The following CPE variants were observed in gnomAD, a reference collection of about 807,000 sequenced individuals.
The protein encoded by CPE is carbocypeptidase E.
A neutral mutation model predicts 53.5 loss-of-function variants in CPE; 17 were observed. That is an observed-to-expected ratio of 0.32 (90% CI 0.22 to 0.48). CPE has a LOEUF of 0.48. Among genes scored for constraint, CPE ranks in the 20% least tolerant of loss-of-function variants. CPE has a pLI of 0.99. For missense variants in CPE, 524 were observed against 614.7 expected (o/e 0.85, Z 1.56); for synonymous variants, 226 against 228.8 (o/e 0.99, Z 0.11).
chr4:165,487,534 A>G lies in CPE; in HGVS notation c.1070A>G (p.Tyr357Cys). ...KFPPEETLKTYWEDNKNSLIS... is the reference protein window; with the variant it reads ...KFPPEETLKTCWEDNKNSLIS... Reference sequence around the variant, plus strand: ...CCACCTGAAGAGACTCTGAAGACCTACTGGGAGGATAACAAAAACTCCCTC... The same window carrying G: ...CCACCTGAAGAGACTCTGAAGACCTGCTGGGAGGATAACAAAAACTCCCTC... The change falls in exon 6 of 9, where the codon TAC becomes TGC. Residue 357 changes from tyrosine to cysteine, a missense_variant. Coordinates refer to ENST00000402744, the MANE Select transcript of CPE (RefSeq NM_001873.4). 1 of 1,614,080 alleles carries G rather than the reference A, an allele frequency of 6.2e-7. No homozygotes were observed. Among genetic ancestry groups the G allele is most frequent in the South Asian group, 1.1e-5 (1 of 91,080 alleles).
chr4:165,474,196 C>T (rs1732256489), intron 3 of CPE, among the ~76,000 whole-genome samples: 1 of 152,238 alleles, frequency 6.6e-6, no homozygotes, highest in African/African-American at 2.4e-5. Flanking sequence ...TTATCTCTAT[C>T]CTCCTTATTA....
At chr4:165,448,776 A>G (rs1731759215) in intron 1 of CPE, among the ~76,000 whole-genome samples, 1 of 152,116 alleles carries the variant, frequency 6.6e-6, no homozygotes, top group South Asian at 2.1e-4. Flanking sequence ...ATTATTGCAT[A>G]TTCATAAGCT....
chr4:165,459,945 A>G (rs1267230956), intron 1 of CPE, among the ~76,000 whole-genome samples: 1 of 150,060 alleles, frequency 6.7e-6, no homozygotes, highest in Non-Finnish European at 1.5e-5. Flanking sequence ...AAGGAAAATG[A>G]ATTAGTGAAG....
chr4:165,425,037 C>T (rs1003802486), intron 1 of CPE, among the ~76,000 whole-genome samples: 6 of 151,814 alleles, frequency 4.0e-5, no homozygotes, highest in African/African-American at 1.5e-4. Context: ...GCCACCATGC[C>T]CAGCTAATTT....
At chr4:165,487,153 A>G (rs80116879) in intron 5 of CPE, among the ~76,000 whole-genome samples, 1,747 of 152,274 alleles carry the variant, frequency 0.011, 24 homozygotes, top group African/African-American at 0.035. Flanking sequence ...TCTTCTCCGA[A>G]GCCCACTCCA....
intron 1 of CPE, among the ~76,000 whole-genome samples, chr4:165,381,737 T>TAG (rs1192332887): frequency 6.6e-6 from 1 of 152,240 alleles, no homozygotes; most frequent in Non-Finnish European, 1.5e-5. Context: ...CTAGTAAATA[T>TAG]AGAGATCTGA....
chr4:165,483,010 T>C (rs918042970), intron 4 of CPE, among the ~76,000 whole-genome samples: 1 of 152,122 alleles, frequency 6.6e-6, no homozygotes, highest in African/African-American at 2.4e-5. Flanking sequence ...TGTTTTTTTT[T>C]TTTTAATTTT....
intron 1 of CPE, among the ~76,000 whole-genome samples, chr4:165,388,343 A>G (rs772727401): frequency 1.3e-5 from 2 of 152,166 alleles, no homozygotes; most frequent in Non-Finnish European, 2.9e-5. Context: ...CTTCATAGCT[A>G]TTATAAAATA....
At chr4:165,465,506 G>A (rs1422340215) in intron 2 of CPE, among the ~76,000 whole-genome samples, 1 of 152,016 alleles carries the variant, frequency 6.6e-6, no homozygotes, top group Admixed American at 6.5e-5. Context: ...CTGTCTTATA[G>A]ATTTTTATCC....
intron 1 of CPE, among the ~76,000 whole-genome samples, chr4:165,413,052 C>T (rs1731065559): frequency 6.6e-6 from 1 of 152,234 alleles, no homozygotes; most frequent in Non-Finnish European, 1.5e-5. Context: ...CTTGCACTCT[C>T]TGAGCCCTAG....
At position 165,497,665 on chromosome 4, in the gene CPE, T is replaced by A. The variant is rs1194855401; in HGVS notation, c.*55T>A. 1 of 971,046 alleles carries A rather than the reference T, an allele frequency of 1.0e-6. No homozygotes were observed. Among genetic ancestry groups the A allele is most frequent in the Admixed American group, 3.1e-5 (1 of 32,338 alleles). 60.2% of individuals were successfully genotyped at this position (971,046 alleles called of 1,614,324 possible). On this transcript the variant is annotated 3_prime_UTR_variant, in exon 9 of 9. Coordinates refer to ENST00000402744, the MANE Select transcript of CPE (RefSeq NM_001873.4). The stretch of plus-strand genomic sequence containing the variant: ...ATCTATATAATGTAGTATGATGTAA[T>A]GTGGTCTTTTTTTTAGATTTTGTGC...
At position 165,465,124 on chromosome 4, in the gene CPE, G is replaced by C. The variant is rs368401366; in HGVS notation, c.504+538G>C. On this transcript the variant is annotated intron_variant, in intron 2 of 8. Coordinates refer to ENST00000402744, the MANE Select transcript of CPE (RefSeq NM_001873.4). ...ACTAAAAATAATTTAATATATCTTC[G>C]CTGTTAGATGAACTGGAAAGTAATG... 8.9e-4 allele frequency among the ~76,000 whole-genome samples: 136 copies of C among 152,068 alleles called. 3 individuals are homozygous for C. In the South Asian group the frequency reaches 0.027, roughly 31 times the overall value.
intron 8 of CPE, among the ~76,000 whole-genome samples, chr4:165,497,077 G>A (rs1164743803): frequency 3.9e-5 from 6 of 151,928 alleles, no homozygotes; most frequent in African/African-American, 1.2e-4. Flanking sequence ...GTGCGCCACC[G>A]TGCCCGGCTA....
chr4:165,481,601 T>G (rs112651743), intron 3 of CPE, among the ~76,000 whole-genome samples: 330 of 152,330 alleles, frequency 2.2e-3, no homozygotes, highest in African/African-American at 7.3e-3. Context: ...TTCCAAGATA[T>G]GAGGGGCAGT....
intron 3 of CPE, among the ~76,000 whole-genome samples, chr4:165,477,150 C>T (rs1732318564): frequency 7.3e-6 from 1 of 137,168 alleles, no homozygotes; most frequent in Non-Finnish European, 1.6e-5. Context: ...TTTGTGCAAG[C>T]ACCATTATTT....
At chr4:165,461,483 T>C (rs1348106093) in intron 1 of CPE, among the ~76,000 whole-genome samples, 1 of 151,850 alleles carries the variant, frequency 6.6e-6, no homozygotes, top group Non-Finnish European at 1.5e-5. Context: ...ATGGGTTCTT[T>C]GGTGGAGGTG....
intron 1 of CPE, among the ~76,000 whole-genome samples, chr4:165,442,861 G>A (rs961353505): frequency 1.3e-5 from 2 of 152,182 alleles, no homozygotes; most frequent in East Asian, 3.8e-4. Context: ...AGCACTATGA[G>A]AATCCCTATA....
At chr4:165,460,188 A>G (rs949657300) in intron 1 of CPE, among the ~76,000 whole-genome samples, 2 of 152,088 alleles carry the variant, frequency 1.3e-5, no homozygotes, top group Admixed American at 1.3e-4. Flanking sequence ...TTTACGCAGA[A>G]GAGAAAATTG....
chr4:165,471,140 C>T (rs886391405), intron 3 of CPE, among the ~76,000 whole-genome samples: 1 of 152,188 alleles, frequency 6.6e-6, no homozygotes. Context: ...GCTGCCAACA[C>T]ACTCAGGTAA....
Sources: gnomAD v4.1 joint callset for allele counts (sites outside exome capture counted in the v4.1 genomes callset) on GRCh38, gnomAD v4.1.1 for gene constraint, MANE v1.5 for transcripts, NCBI Gene and HGNC (gene_info 2026-07-23, HGNC 2026-07-21) for gene names.